PDE7B: variants seen among roughly 807,000 people sequenced by gnomAD.
The protein encoded by PDE7B is 3',5'-cyclic-AMP phosphodiesterase 7B.
Under a neutral mutation model 56.2 loss-of-function variants are expected in PDE7B, and 29 were observed. The ratio of observed to expected loss-of-function variants is 0.52; its 90% CI spans 0.38 to 0.70. The LOEUF is 0.70. Among genes scored for constraint, PDE7B ranks in the 30% least tolerant of loss-of-function variants. The pLI is 0.00. For synonymous variants in PDE7B, 197 were observed against 196.9 expected (o/e 1.00, Z 0.00); for missense variants, 490 against 565.0 (o/e 0.87, Z 1.35).
chr6:136,186,072 A>G (rs1779140553), intron 11 of PDE7B, among the ~76,000 whole-genome samples: 1 of 151,962 alleles, frequency 6.6e-6, no homozygotes, highest in Non-Finnish European at 1.5e-5. Flanking sequence ...AAGGGCAAAA[A>G]AAACACAATT....
chr6:136,185,602 T>A (rs545917254), intron 11 of PDE7B, among the ~76,000 whole-genome samples: 2 of 151,044 alleles, frequency 1.3e-5, no homozygotes, highest in East Asian at 3.9e-4. Context: ...AAAAAAAAAA[T>A]GAACAAAACA....
intron 2 of PDE7B, among the ~76,000 whole-genome samples, chr6:136,008,542 G>A (rs1457068488): frequency 6.6e-6 from 1 of 152,134 alleles, no homozygotes; most frequent in African/African-American, 2.4e-5. Context: ...AGTGTGAGAT[G>A]GTATCTCATT....
At chr6:136,127,527 A>C (rs1778043742) in intron 3 of PDE7B, among the ~76,000 whole-genome samples, 1 of 152,202 alleles carries the variant, frequency 6.6e-6, no homozygotes, top group Non-Finnish European at 1.5e-5. Flanking sequence ...TTATTACAGA[A>C]GTGTTATTGT....
At chr6:136,029,959 C>T (rs1246213300) in intron 2 of PDE7B, among the ~76,000 whole-genome samples, 1 of 152,202 alleles carries the variant, frequency 6.6e-6, no homozygotes, top group Non-Finnish European at 1.5e-5. Flanking sequence ...TTAATTTTCA[C>T]TCTAAATTCT....
intron 8 of PDE7B, 117 bp downstream of exon 8, chr6:136,155,875 AC>A: frequency 9.3e-7 from 1 of 1,079,954 alleles, no homozygotes; most frequent in Non-Finnish European, 1.4e-6. Context: ...AAGTTCAAAG[AC>A]GAATGAAACA....
intron 1 of PDE7B, among the ~76,000 whole-genome samples, chr6:135,856,676 G>A (rs1775034311): frequency 6.6e-6 from 1 of 152,064 alleles, no homozygotes; most frequent in Admixed American, 6.5e-5. Context: ...CTGAGTGAGA[G>A]TTTACATTTA....
At chr6:135,923,610 T>C (rs959660925) in intron 1 of PDE7B, among the ~76,000 whole-genome samples, 1 of 152,170 alleles carries the variant, frequency 6.6e-6, no homozygotes. Flanking sequence ...TAGCTGTTTG[T>C]ATTAAGAACA....
intron 2 of PDE7B, among the ~76,000 whole-genome samples, chr6:135,956,369 T>C (rs550923909): frequency 2.0e-5 from 3 of 152,260 alleles, no homozygotes; most frequent in African/African-American, 7.2e-5. Flanking sequence ...AAAGTGTTGC[T>C]TGGACTTAGC....
chr6:136,110,033 C>CG (rs1194352230), intron 3 of PDE7B, among the ~76,000 whole-genome samples: 1 of 152,148 alleles, frequency 6.6e-6, no homozygotes. Flanking sequence ...TCTGATCCTT[C>CG]GATCCTTGAG....
At chr6:135,932,251 G>A (rs1159744532) in intron 1 of PDE7B, among the ~76,000 whole-genome samples, 1 of 151,852 alleles carries the variant, frequency 6.6e-6, no homozygotes, top group Admixed American at 6.6e-5. Flanking sequence ...AGCACAACAG[G>A]GTGACTATAA....
chr6:135,869,268 TATAA>T (rs1455210720), intron 1 of PDE7B, among the ~76,000 whole-genome samples: 3 of 152,156 alleles, frequency 2.0e-5, no homozygotes, highest in Non-Finnish European at 4.4e-5. Flanking sequence ...CAAATTTTAG[TATAA>T]ATATATACAT....
intron 1 of PDE7B, among the ~76,000 whole-genome samples, chr6:135,913,514 C>T (rs1776246116): frequency 6.6e-6 from 1 of 152,166 alleles, no homozygotes; most frequent in Non-Finnish European, 1.5e-5. Flanking sequence ...TGGCTTTGAT[C>T]TTGCCAGTCT....
intron 2 of PDE7B, among the ~76,000 whole-genome samples, chr6:136,102,922 C>T (rs1374549811): frequency 3.9e-5 from 6 of 152,198 alleles, no homozygotes; most frequent in Non-Finnish European, 8.8e-5. Flanking sequence ...TATTGTTTGG[C>T]GACTCTAACT....
At chr6:135,944,577 A>T (rs541080252) in intron 1 of PDE7B, among the ~76,000 whole-genome samples, 2 of 152,280 alleles carry the variant, frequency 1.3e-5, no homozygotes, top group East Asian at 3.9e-4. Flanking sequence ...CCTCATTGTC[A>T]TTGGAAGGGC....
chr6:136,089,230 C>A (rs1583874811), intron 2 of PDE7B, among the ~76,000 whole-genome samples: 2 of 152,184 alleles, frequency 1.3e-5, no homozygotes, highest in East Asian at 3.9e-4. Flanking sequence ...CAACACTAAC[C>A]TCTGGATAAA....
rs150204098 is a variant in PDE7B, at chr6:136,085,323, A to AAT, written c.83-23397_83-23396dup. Among the ~76,000 whole-genome samples, 983 of 152,150 alleles carry AAT rather than the reference A, an allele frequency of 6.5e-3. 9 individuals are homozygous for AAT. Among genetic ancestry groups the AAT allele is most frequent in the African/African-American group, 0.022 (929 of 41,504 alleles). On this transcript the variant is annotated intron_variant, in intron 2 of 12. Transcript: ENST00000308191. Reference sequence around the variant, plus strand: ...TCACTCAATGCTCAAGGCAGGGGAAAATATATATATATGTTTTTGCTAGAA... The same window carrying AAT: ...TCACTCAATGCTCAAGGCAGGGGAAAATATATATATATATGTTTTTGCTAGAA...
chr6:136,124,950 A>T (rs1160089733), intron 3 of PDE7B, among the ~76,000 whole-genome samples: 1 of 152,250 alleles, frequency 6.6e-6, no homozygotes, highest in Non-Finnish European at 1.5e-5. Flanking sequence ...TATTACATAC[A>T]TATCAAATTA....
At position 135,930,682 on chromosome 6, in the gene PDE7B, G is replaced by T. The variant is rs556723874; in HGVS notation, c.22-16782G>T. On this transcript the variant is annotated intron_variant, in intron 1 of 12. Coordinates refer to ENST00000308191, the MANE Select transcript of PDE7B (RefSeq NM_018945.4). ...GCAATGAGAGAAAGGATTAAATCAA[G>T]TGAGACCCTAGGATGCTGGGTTGTG... Among the ~76,000 whole-genome samples the T allele has an allele frequency of 4.5e-4, 68 of 152,278 alleles. 1 individual carries two copies. Among genetic ancestry groups the T allele is most frequent in the African/African-American group, 1.5e-3 (62 of 41,570 alleles).
At chr6:135,974,477 A>G (rs761628182) in intron 2 of PDE7B, among the ~76,000 whole-genome samples, 2 of 152,194 alleles carry the variant, frequency 1.3e-5, no homozygotes, top group Non-Finnish European at 2.9e-5. Context: ...TTAATGATTT[A>G]TATTCAAAGA....
Sources: gnomAD v4.1 joint callset for allele counts (sites outside exome capture counted in the v4.1 genomes callset) on GRCh38, gnomAD v4.1.1 for gene constraint, MANE v1.5 for transcripts, NCBI Gene and HGNC (gene_info 2026-07-23, HGNC 2026-07-21) for gene names.